Variants in NR3C2 observed in about 807,000 individuals in gnomAD.
The protein encoded by NR3C2 is mineralocorticoid receptor.
In NR3C2, 15 loss-of-function variants were observed where a neutral mutation model predicts 86.4. The ratio of observed to expected loss-of-function variants is 0.17; its 90% CI spans 0.12 to 0.27. The LOEUF (loss-of-function observed/expected upper bound fraction) is 0.27, where lower values mean the gene tolerates loss of function less well. Ranked by LOEUF, NR3C2 falls within the 10% of genes least tolerant of loss-of-function variation. NR3C2 has a pLI of 1.00. For synonymous variants in NR3C2, 458 were observed against 450.5 expected (o/e 1.02, Z -0.21); for missense variants, 960 against 1,195.6 (o/e 0.80, Z 2.91).
At chr4:148,361,562 G>T (rs180865329) in intron 2 of NR3C2, among the ~76,000 whole-genome samples, 103 of 152,180 alleles carry the variant, frequency 6.8e-4, no homozygotes, top group African/African-American at 2.4e-3. Flanking sequence ...GGAAATTGTG[G>T]GCTCTGGTTT....
rs530061186 is a variant in NR3C2 at position 148,156,625 on chromosome 4, G to A, written c.2015-1724C>T. Among the ~76,000 whole-genome samples, 21 of 152,290 alleles carry A rather than the reference G, an allele frequency of 1.4e-4. No homozygotes were observed. The East Asian group carries it at 3.9e-3, about 28-fold the overall frequency. On this transcript the variant is annotated intron_variant, in intron 4 of 8. Coordinates refer to ENST00000358102, the MANE Select transcript of NR3C2 (RefSeq NM_000901.5). ...ATGAGACACCATCTCACACCAGTTA[G>A]AATGGCAATCATTAAAAAGTCAGGA...
At chr4:148,294,479 C>T (rs959378305) in intron 2 of NR3C2, among the ~76,000 whole-genome samples, 7 of 152,008 alleles carry the variant, frequency 4.6e-5, no homozygotes, top group Non-Finnish European at 8.8e-5. Flanking sequence ...CTATTTTTAA[C>T]AGTATAGAAC....
intron 6 of NR3C2, among the ~76,000 whole-genome samples, chr4:148,149,987 G>C (rs1347709775): frequency 6.6e-6 from 1 of 152,036 alleles, no homozygotes; most frequent in East Asian, 1.9e-4. Context: ...GAAAGAGTGT[G>C]GTGTCTCCTT....
At chr4:148,375,164 C>G (rs183403868) in intron 2 of NR3C2, among the ~76,000 whole-genome samples, 46 of 152,176 alleles carry the variant, frequency 3.0e-4, no homozygotes, top group African/African-American at 1.1e-3. Flanking sequence ...ATCAATAAAA[C>G]TGCAAAATCG....
At chr4:148,375,245 C>T (rs115419534) in intron 2 of NR3C2, among the ~76,000 whole-genome samples, 2,289 of 152,176 alleles carry the variant, frequency 0.015, 27 homozygotes, top group Non-Finnish European at 0.022. Flanking sequence ...CACTTGAGGT[C>T]GGTAGTTCGA....
chr4:148,136,061 A>AAAC (rs1733304221), intron 6 of NR3C2, among the ~76,000 whole-genome samples: 1 of 57,494 alleles, frequency 1.7e-5, no homozygotes, highest in African/African-American at 5.3e-5. Flanking sequence ...CGTCTCAAAA[A>AAAC]AAAAAAAAAA....
intron 3 of NR3C2, among the ~76,000 whole-genome samples, chr4:148,195,806 G>A (rs1736414606): frequency 6.6e-6 from 1 of 152,158 alleles, no homozygotes; most frequent in Non-Finnish European, 1.5e-5. Flanking sequence ...GGACACCAGG[G>A]TGAATGAGCA....
At chr4:148,226,731 T>C (rs1056078463) in intron 3 of NR3C2, among the ~76,000 whole-genome samples, 1 of 152,180 alleles carries the variant, frequency 6.6e-6, no homozygotes, top group African/African-American at 2.4e-5. Context: ...CTAATTCACA[T>C]CCTTTCCAAT....
chr4:148,258,406 T>C (rs570020302), intron 3 of NR3C2, among the ~76,000 whole-genome samples: 1 of 152,296 alleles, frequency 6.6e-6, no homozygotes, highest in East Asian at 1.9e-4. Flanking sequence ...GCAAATTTAT[T>C]TTTCCTACTT....
chr4:148,323,647 A>G (rs1250870480), intron 2 of NR3C2, among the ~76,000 whole-genome samples: 1 of 152,058 alleles, frequency 6.6e-6, no homozygotes, highest in African/African-American at 2.4e-5. Context: ...ATTTTCCAGA[A>G]GCCGTCAGTC....
At chr4:148,376,441 AG>A (rs1746684632) in intron 2 of NR3C2, among the ~76,000 whole-genome samples, 2 of 152,230 alleles carry the variant, frequency 1.3e-5, no homozygotes. Flanking sequence ...GAAAGAAAGA[AG>A]GAATGTAGCC....
intron 2 of NR3C2, among the ~76,000 whole-genome samples, chr4:148,430,534 T>C (rs1749752903): frequency 6.6e-6 from 1 of 152,120 alleles, no homozygotes; most frequent in Non-Finnish European, 1.5e-5. Flanking sequence ...ATTTACCTGG[T>C]GAAATTCTAG....
chr4:148,112,828 A>G (rs895179765), intron 8 of NR3C2, among the ~76,000 whole-genome samples: 1 of 152,214 alleles, frequency 6.6e-6, no homozygotes, highest in Non-Finnish European at 1.5e-5. Flanking sequence ...TTTCTAAAAG[A>G]TGGACCATTA....
At chr4:148,097,530 C>T (rs1161097006) in intron 8 of NR3C2, among the ~76,000 whole-genome samples, 7 of 152,142 alleles carry the variant, frequency 4.6e-5, no homozygotes, top group African/African-American at 1.7e-4. Context: ...TGGCCCACTT[C>T]CTACTTGCTA....
At chr4:148,350,638 T>G (rs979367502) in intron 2 of NR3C2, among the ~76,000 whole-genome samples, 1 of 140,746 alleles carries the variant, frequency 7.1e-6, no homozygotes, top group African/African-American at 2.5e-5. Context: ...AAACATAAAT[T>G]TAAATGTGCT....
At chr4:148,428,026 T>C (rs1268160770) in intron 2 of NR3C2, among the ~76,000 whole-genome samples, 1 of 152,146 alleles carries the variant, frequency 6.6e-6, no homozygotes, top group East Asian at 1.9e-4. Flanking sequence ...TTCCACAAAA[T>C]ATATTCTAAT....
At chr4:148,089,703 CTGTTT>C (rs1395516920) in intron 8 of NR3C2, among the ~76,000 whole-genome samples, 2 of 152,056 alleles carry the variant, frequency 1.3e-5, no homozygotes, top group Non-Finnish European at 2.9e-5. Flanking sequence ...CATCCCATTT[CTGTTT>C]TGTTTTTTCT....
chr4:148,228,963 A>G (rs978213941), intron 3 of NR3C2, among the ~76,000 whole-genome samples: 29 of 152,354 alleles, frequency 1.9e-4, no homozygotes, highest in African/African-American at 6.7e-4. Flanking sequence ...GCTGAGAGGC[A>G]TAGAAGGGAT....
intron 2 of NR3C2, among the ~76,000 whole-genome samples, chr4:148,324,451 C>A (rs891845239): frequency 2.0e-5 from 3 of 149,920 alleles, no homozygotes; most frequent in African/African-American, 7.4e-5. Flanking sequence ...AGGTTGTTTC[C>A]ATATCTTGGC....
Sources: gnomAD v4.1 joint callset for allele counts (sites outside exome capture counted in the v4.1 genomes callset) on GRCh38, gnomAD v4.1.1 for gene constraint, MANE v1.5 for transcripts, NCBI Gene and HGNC (gene_info 2026-07-23, HGNC 2026-07-21) for gene names.